Variants in COL6A5 observed in about 807,000 individuals in gnomAD.
The protein encoded by COL6A5 is collagen type VI alpha 5 chain, also known as collagen alpha-5(VI) chain.
In COL6A5, 48 loss-of-function variants were observed where a neutral mutation model predicts 65.6. The ratio of observed to expected loss-of-function variants is 0.73; its 90% CI spans 0.58 to 0.93. The LOEUF (loss-of-function observed/expected upper bound fraction) is 0.93, where lower values mean the gene tolerates loss of function less well. COL6A5 is among the 40% of genes least tolerant of loss of function. The probability of loss-of-function intolerance (pLI) is 0.00; values close to 1 mark genes in which losing one functional copy is unlikely to be tolerated. For synonymous variants in COL6A5, 291 were observed against 322.8 expected, an observed-to-expected ratio of 0.90 and a Z score of 1.05; for missense variants, 914 against 928.3, an observed-to-expected ratio of 0.98 and a Z score of 0.20.
intron 4 of COL6A5, among the ~76,000 whole-genome samples, chr3:130,445,830 C>A (rs921087812): frequency 6.6e-6 from 1 of 152,048 alleles, no homozygotes; most frequent in East Asian, 1.9e-4. Context: ...TTTTAAATAG[C>A]CCTTTGGTGC....
exon 7 of COL6A5, chr3:130,391,236 T>TA (rs1222064379): frequency 1.9e-6 from 3 of 1,551,436 alleles, no homozygotes; most frequent in Non-Finnish European, 2.6e-6. Context: ...TCAGGTAGCA[T>TA]AAAAAAACAA....
chr3:130,455,610 T>G lies in COL6A5; in HGVS notation c.1490T>G (p.Leu497Ter). ...AGCCAAATGTTTGAGCCACAAAAAT[T>G]AATGATCAATTATGAAAAAGATCAA... Residue 497 changes from leucine (L) to a stop codon, truncating the protein, a stop_gained, in exon 5 of 8, where the codon TTA (leucine) becomes TGA (stop). Transcript: ENST00000512836. LOFTEE classifies it high-confidence loss of function. 4 of 1,613,202 alleles carry G rather than the reference T, an allele frequency of 2.5e-6. No individual in the cohort carries two copies. Among genetic ancestry groups the G allele is most frequent in the Non-Finnish European group, 3.4e-6 (4 of 1,179,474 alleles).
At chr3:130,389,788 A>G (rs1366069157) in intron 6 of COL6A5, among the ~76,000 whole-genome samples, 1 of 152,098 alleles carries the variant, frequency 6.6e-6, no homozygotes, top group Non-Finnish European at 1.5e-5. Flanking sequence ...GTTTGAGCCT[A>G]TCAATTTTAA....
chr3:130,401,918 A>G (rs1936831965), intron 12 of COL6A5, 64 bp downstream of exon 12: 4 of 1,191,000 alleles, frequency 3.4e-6, no homozygotes, highest in African/African-American at 1.5e-5. Context: ...TGGGACTGAG[A>G]CTGAGTGGTT....
At chr3:130,451,701 A>C (rs1443837349) in intron 4 of COL6A5, among the ~76,000 whole-genome samples, 1 of 152,066 alleles carries the variant, frequency 6.6e-6, no homozygotes, top group Non-Finnish European at 1.5e-5. Context: ...GGGTGACCGT[A>C]AGTCAAAGTC....
chr3:130,403,518 A>G, intron 12 of COL6A5, 91 bp from the exon 13 acceptor site: 1 of 1,085,532 alleles, frequency 9.2e-7, no homozygotes, highest in East Asian at 2.6e-5. Context: ...AAGTTGGAGG[A>G]AGGGACTTGC....
At chr3:130,422,673 C>T in intron 27 of COL6A5, 47 bp from the exon 28 acceptor site, 1 of 1,211,572 alleles carries the variant, frequency 8.3e-7, no homozygotes, top group Non-Finnish European at 1.2e-6. Context: ...TTAATTCTTT[C>T]ATAGCAAATA....
intron 3 of COL6A5, among the ~76,000 whole-genome samples, chr3:130,443,136 G>C (rs528412397): frequency 6.6e-6 from 1 of 152,200 alleles, no homozygotes; most frequent in African/African-American, 2.4e-5. Flanking sequence ...CGTAAGTCTG[G>C]GTGAAAAACC....
chr3:130,468,915 G>C (rs1422453172), exon 6 of COL6A5: 8 of 1,612,538 alleles, frequency 5.0e-6, no homozygotes, highest in Middle Eastern at 1.7e-4. Context: ...AGAGTAGGAA[G>C]TGATGAGTTT....
At chr3:130,385,487 T>G (rs1936156057) in intron 5 of COL6A5, 123 bp downstream of exon 5, 1 of 1,021,852 alleles carries the variant, frequency 9.8e-7, no homozygotes, top group Non-Finnish European at 1.4e-6. Flanking sequence ...CTAGCTTCCT[T>G]TATTACCATG....
chr3:130,459,321 T>G (rs55655219), intron 5 of COL6A5, among the ~76,000 whole-genome samples: 1,770 of 152,226 alleles, frequency 0.012, 39 homozygotes, highest in African/African-American at 0.04. Context: ...TTCTGATTTA[T>G]AAATTGTTTT....
chr3:130,398,681 G>A (rs1256192741), intron 10 of COL6A5, among the ~76,000 whole-genome samples: 1 of 152,180 alleles, frequency 6.6e-6, no homozygotes, highest in African/African-American at 2.4e-5. Context: ...GGACGTGCTT[G>A]GAATGGGTGT....
At chr3:130,479,250 A>G (rs543273165) in intron 7 of COL6A5, among the ~76,000 whole-genome samples, 51 of 150,156 alleles carry the variant, frequency 3.4e-4, no homozygotes, top group African/African-American at 8.8e-4. Flanking sequence ...TGAACCAGAA[A>G]GCAGGTCCCT....
exon 1 of COL6A5, chr3:130,431,490 G>A: frequency 2.6e-6 from 4 of 1,551,312 alleles, no homozygotes; most frequent in Non-Finnish European, 3.5e-6. Context: ...ATCCAACAGA[G>A]CTAGTATTTG....
intron 1 of COL6A5, 65 bp from the exon 34 acceptor site, chr3:130,439,453 CTTAA>C: frequency 8.9e-7 from 1 of 1,124,358 alleles, no homozygotes. Flanking sequence ...TAAACTAATC[CTTAA>C]AGTGGTTTCC....
intron 1 of COL6A5, among the ~76,000 whole-genome samples, chr3:130,359,640 T>A (rs1935042834): frequency 6.6e-6 from 1 of 152,082 alleles, no homozygotes; most frequent in African/African-American, 2.4e-5. Context: ...AATAATTTTT[T>A]AATTCATTTT....
At chr3:130,428,182 G>T (rs1937648597), upstream of COL6A5, among the ~76,000 whole-genome samples, 1 of 152,154 alleles carries the variant, frequency 6.6e-6, no homozygotes, top group Admixed American at 6.5e-5. Context: ...GAGTAGGCAA[G>T]TTCTATAACC....
chr3:130,368,531 G>A (rs1005866752), intron 1 of COL6A5, among the ~76,000 whole-genome samples: 1 of 149,072 alleles, frequency 6.7e-6, no homozygotes, highest in Non-Finnish European at 1.5e-5. Context: ...GTGTATGTGT[G>A]AGTGTGTGTG....
intron 21 of COL6A5, among the ~76,000 whole-genome samples, chr3:130,413,824 GC>G (rs139674999): frequency 0.61 from 91,772 of 151,028 alleles, 30,528 homozygotes; most frequent in Non-Finnish European, 0.75. Flanking sequence ...CAAATATTGT[GC>G]ATTTGACTGC....
Sources: gnomAD v4.1 joint callset for allele counts (sites outside exome capture counted in the v4.1 genomes callset) on GRCh38, gnomAD v4.1.1 for gene constraint, MANE v1.5 for transcripts, NCBI Gene and HGNC (gene_info 2026-07-23, HGNC 2026-07-21) for gene names.